ROBO2: variants seen among roughly 807,000 people sequenced by gnomAD.
The protein encoded by ROBO2 is roundabout homolog 2.
In ROBO2, 53 loss-of-function variants were observed where a neutral mutation model predicts 160.8. That is an observed-to-expected ratio of 0.33 (90% confidence interval 0.26 to 0.41). The LOEUF (loss-of-function observed/expected upper bound fraction) is 0.41, where lower values mean the gene tolerates loss of function less well. Ranked by LOEUF, ROBO2 falls within the 10% of genes least tolerant of loss-of-function variation. The pLI is 1.00. For synonymous variants in ROBO2, 664 were observed against 611.7 expected (o/e 1.09, Z -1.26); for missense variants, 1,577 against 1,722.4 (o/e 0.92, Z 1.49).
At chr3:77,640,324 A>G (rs2095332165) in intron 24 of ROBO2, among the ~76,000 whole-genome samples, 3 of 152,122 alleles carry the variant, frequency 2.0e-5, no homozygotes, top group South Asian at 4.2e-4. Flanking sequence ...TGTGTTAGCC[A>G]GGATGGTCTC....
intron 2 of ROBO2, among the ~76,000 whole-genome samples, chr3:76,230,085 A>G (rs1704528717): frequency 6.6e-6 from 1 of 152,116 alleles, no homozygotes; most frequent in African/African-American, 2.4e-5. Context: ...CAAAAAAATG[A>G]TGCCATCAGG....
intron 2 of ROBO2, among the ~76,000 whole-genome samples, chr3:76,773,662 A>AG (rs2108524501): frequency 6.6e-6 from 1 of 150,898 alleles, no homozygotes; most frequent in African/African-American, 2.4e-5. Context: ...TATATCTAAT[A>AG]AAACATACCT....
chr3:76,692,156 A>G (rs986901324), intron 2 of ROBO2, among the ~76,000 whole-genome samples: 1 of 152,048 alleles, frequency 6.6e-6, no homozygotes, highest in African/African-American at 2.4e-5. Flanking sequence ...AGGTTGGGGG[A>G]ATTAGCTGAC....
intron 17 of ROBO2, among the ~76,000 whole-genome samples, chr3:77,590,754 T>C (rs1438188685): frequency 6.6e-6 from 1 of 152,154 alleles, no homozygotes; most frequent in African/African-American, 2.4e-5. Context: ...GTTGGTAAGT[T>C]TATACTGTTA....
chr3:77,187,737 A>G (rs1314379158), intron 2 of ROBO2, among the ~76,000 whole-genome samples: 2 of 151,968 alleles, frequency 1.3e-5, no homozygotes, highest in African/African-American at 4.8e-5. Context: ...AATTATTTTC[A>G]GTCCCCAAAA....
intron 2 of ROBO2, among the ~76,000 whole-genome samples, chr3:76,883,600 A>G (rs2073582934): frequency 6.6e-6 from 1 of 152,192 alleles, no homozygotes; most frequent in Admixed American, 6.5e-5. Context: ...ACTGTAGAAG[A>G]CAGTAAATGG....
At chr3:76,452,327 T>C (rs1006256309) in intron 2 of ROBO2, among the ~76,000 whole-genome samples, 3 of 151,766 alleles carry the variant, frequency 2.0e-5, no homozygotes, top group Non-Finnish European at 4.4e-5. Context: ...TCCCTCCCCC[T>C]TCCCCCCACA....
chr3:77,199,642 T>G (rs1005650265), intron 2 of ROBO2, among the ~76,000 whole-genome samples: 1 of 106,164 alleles, frequency 9.4e-6, no homozygotes, highest in Non-Finnish European at 2.1e-5. Context: ...TTTTTTTTTT[T>G]GTGACAGATT....
At chr3:77,484,292 G>T (rs1425032015) in intron 4 of ROBO2, among the ~76,000 whole-genome samples, 1 of 151,994 alleles carries the variant, frequency 6.6e-6, no homozygotes, top group African/African-American at 2.4e-5. Context: ...AGAGAAAGTA[G>T]AGTTGAAGTA....
chr3:77,579,916 T>G, intron 15 of ROBO2, 31 bp from the exon 17 acceptor site: 1 of 1,589,286 alleles, frequency 6.3e-7, no homozygotes, highest in Non-Finnish European at 8.6e-7. Flanking sequence ...TAATCTTATA[T>G]CCATGTGTTA....
chr3:76,423,287 G>A (rs2076071040), intron 2 of ROBO2, among the ~76,000 whole-genome samples: 1 of 152,154 alleles, frequency 6.6e-6, no homozygotes, highest in South Asian at 2.1e-4. Context: ...TAGCTCAGGT[G>A]GAAGACCCTT....
At chr3:76,438,534 A>T (rs1193997586) in intron 2 of ROBO2, among the ~76,000 whole-genome samples, 1 of 152,086 alleles carries the variant, frequency 6.6e-6, no homozygotes, top group Non-Finnish European at 1.5e-5. Flanking sequence ...AATATTGTAA[A>T]GCCATAGACT....
intron 2 of ROBO2, among the ~76,000 whole-genome samples, chr3:76,634,186 G>GCTGCCTTCTCACTGTGTCCTCACATGGT (rs2090185330): frequency 6.6e-6 from 1 of 152,164 alleles, no homozygotes; most frequent in Non-Finnish European, 1.5e-5. Context: ...CTTGCAGATA[G>GCTGCCTTCTCACTGTGTCCTCACATGGT]CTGCCTTCTC....
intron 2 of ROBO2, among the ~76,000 whole-genome samples, chr3:77,115,458 A>G (rs2074104868): frequency 6.6e-6 from 1 of 152,150 alleles, no homozygotes; most frequent in South Asian, 2.1e-4. Context: ...ACCTCTGTAA[A>G]ATAAGTTAAA....
intron 2 of ROBO2, among the ~76,000 whole-genome samples, chr3:76,934,368 T>G (rs2077548537): frequency 6.6e-6 from 1 of 152,152 alleles, no homozygotes; most frequent in African/African-American, 2.4e-5. Context: ...TTGTGGAATG[T>G]ATGATTTGCT....
chr3:75,937,492 C>T (rs774344276), exon 2 of ROBO2: 5 of 1,550,412 alleles, frequency 3.2e-6, no homozygotes, highest in Admixed American at 1.8e-5. Flanking sequence ...GTTTAAGATG[C>T]AATGGCCAGA....
At chr3:76,901,019 A>T (rs2148873531) in intron 2 of ROBO2, among the ~76,000 whole-genome samples, 1 of 152,296 alleles carries the variant, frequency 6.6e-6, no homozygotes, top group African/African-American at 2.4e-5. Context: ...CAGAGTCCAA[A>T]CATAAATAAA....
chr3:76,628,511 C>T (rs1208243057), intron 2 of ROBO2, among the ~76,000 whole-genome samples: 1 of 151,050 alleles, frequency 6.6e-6, no homozygotes, highest in Admixed American at 6.6e-5. Flanking sequence ...CAAAGAATCA[C>T]CTTCAGCTCC....
intron 23 of ROBO2, chr3:77,630,391 G>A (rs1049702410): frequency 6.6e-6 from 1 of 152,322 alleles, no homozygotes; most frequent in African/African-American, 2.4e-5. Flanking sequence ...AGGAGAGAGA[G>A]AGCAGGGGAA....
Sources: allele counts gnomAD v4.1 joint callset (sites outside exome capture counted in the v4.1 genomes callset), GRCh38; gene constraint gnomAD v4.1.1; transcripts MANE v1.5; gene names NCBI Gene and HGNC (gene_info 2026-07-23, HGNC 2026-07-21).